The following GRM7 variants were observed in gnomAD, a reference collection of about 807,000 sequenced individuals.
GRM7 encodes the protein metabotropic glutamate receptor 7.
In GRM7, 35 loss-of-function variants were observed where a neutral mutation model predicts 84.5. The observed-to-expected ratio is 0.41, with a 90% CI of 0.32 to 0.55. The LOEUF (loss-of-function observed/expected upper bound fraction) is 0.55, where lower values mean the gene tolerates loss of function less well. Among genes scored for constraint, GRM7 ranks in the 20% least tolerant of loss-of-function variants. The pLI is 0.19. For missense variants in GRM7, 1,003 were observed against 1,194.6 expected, an observed-to-expected ratio of 0.84 and a Z score of 2.36; for synonymous variants, 487 against 455.1, an observed-to-expected ratio of 1.07 and a Z score of -0.89.
chr3:6,924,662 T>A (rs1049795698), intron 1 of GRM7, among the ~76,000 whole-genome samples: 1 of 151,876 alleles, frequency 6.6e-6, no homozygotes, highest in Non-Finnish European at 1.5e-5. Context: ...AGTAGCAACA[T>A]GAATTCTTTA....
chr3:6,983,330 T>G (rs1169564325), intron 1 of GRM7, among the ~76,000 whole-genome samples: 2 of 152,072 alleles, frequency 1.3e-5, no homozygotes, highest in Non-Finnish European at 2.9e-5. Context: ...GCAAGAAAAA[T>G]TAGGCCTGAT....
At chr3:6,950,502 C>T (rs1197455175) in intron 1 of GRM7, among the ~76,000 whole-genome samples, 2 of 152,200 alleles carry the variant, frequency 1.3e-5, no homozygotes, top group South Asian at 4.1e-4. Context: ...GCTGGGGGGT[C>T]AGGGACCCGC....
intron 9 of GRM7, among the ~76,000 whole-genome samples, chr3:7,729,891 T>TG (rs1398252888): frequency 2.1e-5 from 3 of 144,236 alleles, no homozygotes; most frequent in Non-Finnish European, 3.1e-5. Flanking sequence ...TTTTTTTTTT[T>TG]TGAGATGAAG....
intron 1 of GRM7, among the ~76,000 whole-genome samples, chr3:7,046,958 G>A (rs1447875642): frequency 2.0e-5 from 3 of 151,910 alleles, no homozygotes; most frequent in Non-Finnish European, 4.4e-5. Context: ...TGAAGGATAA[G>A]AAAATAAACA....
intron 1 of GRM7, among the ~76,000 whole-genome samples, chr3:6,984,746 A>T (rs1341907654): frequency 1.3e-5 from 2 of 152,150 alleles, no homozygotes; most frequent in Non-Finnish European, 2.9e-5. Context: ...GCACTGATAC[A>T]TCCAGTGATA....
chr3:7,039,341 GAA>G (rs1696504223), intron 1 of GRM7, among the ~76,000 whole-genome samples: 1 of 152,206 alleles, frequency 6.6e-6, no homozygotes, highest in Admixed American at 6.5e-5. Context: ...TCTTAAATGA[GAA>G]AGTGTTTTTT....
At chr3:7,616,275 C>T (rs541187026) in intron 8 of GRM7, among the ~76,000 whole-genome samples, 1 of 152,248 alleles carries the variant, frequency 6.6e-6, no homozygotes, top group South Asian at 2.1e-4. Context: ...ACACTAAATG[C>T]ACCCTTCTGC....
chr3:7,283,389 T>C (rs1394392514), intron 2 of GRM7, among the ~76,000 whole-genome samples: 2 of 138,032 alleles, frequency 1.4e-5, no homozygotes, highest in African/African-American at 5.7e-5. Flanking sequence ...AAGGTTTTGA[T>C]TGAGGTTGCT....
At chr3:7,464,476 C>G (rs1351449219) in intron 7 of GRM7, among the ~76,000 whole-genome samples, 2 of 151,960 alleles carry the variant, frequency 1.3e-5, no homozygotes, top group Non-Finnish European at 2.9e-5. Context: ...TCTTTAAATT[C>G]ATTACAAAGA....
rs1368961181 is a variant in GRM7, at chr3:6,862,682, C to T, written c.519+775C>T. Reference sequence around the variant, plus strand: ...CTTCAGACCTCAGCCCAGGGATGAGCTCACGCGAAACGAAATCGCTCTCCC... The same window carrying T: ...CTTCAGACCTCAGCCCAGGGATGAGTTCACGCGAAACGAAATCGCTCTCCC... On this transcript the variant is annotated intron_variant, in intron 1 of 9. Transcript: ENST00000357716. The surrounding 1 kb of genome is among the most constrained non-coding windows in gnomAD (Gnocchi z 5.2). 2 of 97,374 alleles carry T rather than the reference C, an allele frequency of 2.1e-5. No individual in the cohort carries two copies. Among genetic ancestry groups the T allele is most frequent in the African/African-American group, 1.9e-4 (2 of 10,574 alleles). 6.0% of individuals were successfully genotyped at this position (97,374 alleles called of 1,614,324 possible).
At chr3:7,339,066 G>T (rs1255905279) in intron 4 of GRM7, among the ~76,000 whole-genome samples, 1 of 151,956 alleles carries the variant, frequency 6.6e-6, no homozygotes, top group African/African-American at 2.4e-5. Context: ...ATTATATTTA[G>T]CAATAGTTTG....
chr3:7,543,110 G>T (rs531065374), intron 7 of GRM7, among the ~76,000 whole-genome samples: 2 of 152,290 alleles, frequency 1.3e-5, no homozygotes, highest in Admixed American at 1.3e-4. Flanking sequence ...AGCAATTATG[G>T]TGTGTCCTAT....
chr3:7,507,067 T>G (rs1200169240), intron 7 of GRM7, among the ~76,000 whole-genome samples: 1 of 152,230 alleles, frequency 6.6e-6, no homozygotes, highest in African/African-American at 2.4e-5. Context: ...GAATCACAAA[T>G]GCCTGACAGA....
intron 5 of GRM7, among the ~76,000 whole-genome samples, chr3:7,440,136 TG>T (rs1348140465): frequency 6.6e-6 from 1 of 152,074 alleles, no homozygotes; most frequent in African/African-American, 2.4e-5. Context: ...GCTTGTCCAG[TG>T]GGCAGTAAAG....
chr3:6,936,608 A>G (rs900673560), intron 1 of GRM7, among the ~76,000 whole-genome samples: 4 of 151,830 alleles, frequency 2.6e-5, no homozygotes, highest in African/African-American at 9.7e-5. Flanking sequence ...TTTATGCTGG[A>G]GTTGTTATGT....
At chr3:7,266,778 C>T (rs2124969778) in intron 2 of GRM7, among the ~76,000 whole-genome samples, 1 of 152,306 alleles carries the variant, frequency 6.6e-6, no homozygotes, top group South Asian at 2.1e-4. Context: ...TGAACCTAAA[C>T]TTACAAAATC....
At chr3:7,517,742 G>A (rs1012131030) in intron 7 of GRM7, among the ~76,000 whole-genome samples, 2 of 152,048 alleles carry the variant, frequency 1.3e-5, no homozygotes, top group African/African-American at 4.8e-5. Context: ...GGTCTTATCC[G>A]GGCCAGGTAT....
chr3:7,675,460 G>C (rs978693596), intron 8 of GRM7, among the ~76,000 whole-genome samples: 1 of 152,208 alleles, frequency 6.6e-6, no homozygotes, highest in South Asian at 2.1e-4. Context: ...TTGAAAATTA[G>C]ACACGGAACT....
Position 6,863,081 on chromosome 3 carries a change from C to G in GRM7, c.519+1174C>G, listed in dbSNP as rs1466586529. The stretch of plus-strand genomic sequence containing the variant: ...GTAGGTTCCCTCCTCTGTGTCTTTC[C>G]CTATATGTGCATCACTCTCTCTTTC... On this transcript the variant is annotated intron_variant, in intron 1 of 9. Coordinates refer to ENST00000357716, the MANE Select transcript of GRM7 (RefSeq NM_000844.4). This position sits in a 1 kb window ranked among gnomAD's most constrained non-coding sequence, Gnocchi z 4.8. The G allele has an allele frequency of 4.6e-6, 2 of 437,428 alleles. No individual in the cohort carries two copies. Among genetic ancestry groups the G allele is most frequent in the South Asian group, 1.6e-5 (1 of 61,444 alleles). 27.1% of individuals were successfully genotyped at this position (437,428 alleles called of 1,614,324 possible). A position where few individuals can be genotyped will look rare whatever the true frequency, so the allele number is the denominator to read the frequency against.
Sources: gnomAD v4.1 joint callset for allele counts (sites outside exome capture counted in the v4.1 genomes callset) on GRCh38, gnomAD v4.1.1 for gene constraint, Gnocchi (gnomAD v3.1) non-coding constraint, MANE v1.5 for transcripts, NCBI Gene and HGNC (gene_info 2026-07-23, HGNC 2026-07-21) for gene names.